The following OXCT1 variants were observed in gnomAD, a reference collection of about 807,000 sequenced individuals.
OXCT1 encodes the protein 3-oxoacid CoA-transferase 1.
In OXCT1, 27 loss-of-function variants were observed where a neutral mutation model predicts 69.6. The observed-to-expected ratio is 0.39, with a 90% CI of 0.29 to 0.54. The LOEUF is 0.54. Ranked by LOEUF, OXCT1 falls within the 20% of genes least tolerant of loss-of-function variation. The pLI is 0.72. For synonymous variants in OXCT1, 202 were observed against 217.8 expected (o/e 0.93, Z 0.64); for missense variants, 437 against 650.2 (o/e 0.67, Z 3.57).
chr5:41,857,763 T>C (rs1462586954), intron 3 of OXCT1, among the ~76,000 whole-genome samples: 5 of 152,222 alleles, frequency 3.3e-5, no homozygotes, highest in African/African-American at 1.2e-4. Context: ...TCCCTGACCA[T>C]TCCACTGAAA....
chr5:41,808,755 T>C (rs1481092566), intron 7 of OXCT1, among the ~76,000 whole-genome samples: 3 of 152,068 alleles, frequency 2.0e-5, no homozygotes, highest in East Asian at 3.9e-4. Context: ...GTATTTTCTA[T>C]TCGAGGTGGA....
At chr5:41,821,152 C>T (rs1398801137) in intron 7 of OXCT1, among the ~76,000 whole-genome samples, 17 of 152,180 alleles carry the variant, frequency 1.1e-4, no homozygotes. Context: ...CTAGAAACTT[C>T]ACTCAATATG....
At chr5:41,791,036 A>G (rs920903275) in intron 13 of OXCT1, among the ~76,000 whole-genome samples, 4 of 152,096 alleles carry the variant, frequency 2.6e-5, no homozygotes, top group African/African-American at 9.7e-5. Context: ...TTCACTTTTC[A>G]TTTTCTTCTC....
rs778105826 is a variant in OXCT1, at chr5:41,853,559, A to C, written c.279-5T>G. On this transcript the variant is annotated splice_region_variant and splice_polypyrimidine_tract_variant and intron_variant, in intron 3 of 16. Coordinates refer to ENST00000196371, the MANE Select transcript of OXCT1 (RefSeq NM_000436.4). ...CCCAAACCAAAATTGTCAACCCTAG[A>C]AGGAAAATGAAGGGAGCTTACCAAA... is the stretch of plus-strand genomic sequence containing the variant. The C allele has an allele frequency of 1.2e-6, 2 of 1,613,614 alleles. No individual in the cohort carries two copies. Among genetic ancestry groups the C allele is most frequent in the East Asian group, 4.5e-5 (2 of 44,830 alleles).
chr5:41,797,582 A>G (rs1187171005), intron 11 of OXCT1, among the ~76,000 whole-genome samples: 1 of 152,050 alleles, frequency 6.6e-6, no homozygotes, highest in Non-Finnish European at 1.5e-5. Flanking sequence ...GTATATCTCA[A>G]TTTTTCATAT....
At chr5:41,868,906 C>T (rs576287533) in intron 1 of OXCT1, among the ~76,000 whole-genome samples, 3 of 152,176 alleles carry the variant, frequency 2.0e-5, no homozygotes, top group South Asian at 4.1e-4. Flanking sequence ...TGCTGAGCTT[C>T]GGAAATGGTT....
chr5:41,869,141 A>G (rs1035947998), intron 1 of OXCT1, among the ~76,000 whole-genome samples: 1 of 152,186 alleles, frequency 6.6e-6, no homozygotes, highest in Non-Finnish European at 1.5e-5. Flanking sequence ...GCTTCCTAAG[A>G]GGCATTTAAG....
chr5:41,741,331 A>C (rs1743155828), intron 15 of OXCT1, among the ~76,000 whole-genome samples: 1 of 152,180 alleles, frequency 6.6e-6, no homozygotes, highest in South Asian at 2.1e-4. Context: ...GGGTAATATC[A>C]AGACACAGCA....
chr5:41,822,634 C>T (rs187655502), intron 7 of OXCT1, among the ~76,000 whole-genome samples: 91 of 152,134 alleles, frequency 6.0e-4, no homozygotes, highest in African/African-American at 1.8e-3. Context: ...CCACCATGCC[C>T]GGCTAATTTT....
In OXCT1 at chr5:41,870,303, C is replaced by T. The variant is rs755105574; in HGVS notation, c.56G>A (p.Gly19Glu). Residue 19 changes from glycine to glutamate, a missense_variant, in exon 1 of 17, where the codon GGA becomes GAA. Around this residue, in one of 4 missense-constraint regions of OXCT1, gnomAD observed 79 missense variants for 61.5 expected, o/e 1.28. Transcript: ENST00000196371. This position sits in a 1 kb window ranked among gnomAD's most constrained non-coding sequence, Gnocchi z 4.2. ...TACCTTGTACCAGGTTGCCCCAGATCCGCGGGCAGAGGCGCAGAGCCGAAG... is the reference window on the plus strand; with the variant it reads ...TACCTTGTACCAGGTTGCCCCAGATTCGCGGGCAGAGGCGCAGAGCCGAAG... Reference protein sequence around the residue: ...SGLRLCASARGSGATWYKGCV... With the variant: ...SGLRLCASARESGATWYKGCV... The T allele has an allele frequency of 2.5e-6, 4 of 1,613,980 alleles. No individual in the cohort carries two copies. In the South Asian group the frequency reaches 4.4e-5, roughly 18 times the overall value.
At chr5:41,860,906 C>A (rs1322993486) in intron 3 of OXCT1, among the ~76,000 whole-genome samples, 2 of 151,812 alleles carry the variant, frequency 1.3e-5, no homozygotes, top group African/African-American at 4.8e-5. Flanking sequence ...AAAGAAAGGG[C>A]TTTAAACAGA....
At chr5:41,750,786 C>T (rs778069901) in intron 14 of OXCT1, among the ~76,000 whole-genome samples, 1 of 151,958 alleles carries the variant, frequency 6.6e-6, no homozygotes, top group Non-Finnish European at 1.5e-5. Flanking sequence ...CAGCAATGCA[C>T]TAGTAATTAA....
At chr5:41,807,477 T>G in intron 7 of OXCT1, 39 bp from the exon 8 acceptor site, 1 of 1,160,672 alleles carries the variant, frequency 8.6e-7, no homozygotes. Context: ...TAGTGAAAGC[T>G]TAAAGTGAAC....
At chr5:41,807,702 G>T (rs1579779474) in intron 7 of OXCT1, among the ~76,000 whole-genome samples, 2 of 152,136 alleles carry the variant, frequency 1.3e-5, no homozygotes, top group South Asian at 4.1e-4. Flanking sequence ...TTGCTTAAAA[G>T]AGTCTCAGTT....
chr5:41,802,890 T>C (rs775351194), intron 10 of OXCT1, among the ~76,000 whole-genome samples, 179 bp downstream of exon 10: 1 of 152,152 alleles, frequency 6.6e-6, no homozygotes, highest in Non-Finnish European at 1.5e-5. Flanking sequence ...CAGATTTCAC[T>C]ATGTGGGACG....
At chr5:41,850,271 G>T in intron 4 of OXCT1, 92 bp from the exon 5 acceptor site, 1 of 1,403,484 alleles carries the variant, frequency 7.1e-7, no homozygotes, top group Non-Finnish European at 9.9e-7. Context: ...CTATCTAGAG[G>T]CTTATAATTC....
intron 3 of OXCT1, among the ~76,000 whole-genome samples, chr5:41,854,635 C>T (rs1030380703): frequency 1.3e-4 from 19 of 150,836 alleles, no homozygotes; most frequent in Non-Finnish European, 1.6e-4. Flanking sequence ...TTTTTAATGG[C>T]GAAATATCTT....
At chr5:41,787,786 T>G (rs1189868211) in intron 13 of OXCT1, among the ~76,000 whole-genome samples, 1 of 151,824 alleles carries the variant, frequency 6.6e-6, no homozygotes, top group Non-Finnish European at 1.5e-5. Flanking sequence ...GGCTATAAAT[T>G]AAACTGCAAC....
intron 13 of OXCT1, among the ~76,000 whole-genome samples, chr5:41,787,891 A>G (rs962054248): frequency 6.6e-6 from 1 of 152,064 alleles, no homozygotes; most frequent in African/African-American, 2.4e-5. Flanking sequence ...GCTACAACAA[A>G]CATCAAAGGA....
Sources: gnomAD v4.1 joint callset for allele counts (sites outside exome capture counted in the v4.1 genomes callset) on GRCh38, gnomAD v4.1.1 for gene constraint, gnomAD v4.1.1 regional missense constraint, Gnocchi (gnomAD v3.1) non-coding constraint, MANE v1.5 for transcripts, NCBI Gene and HGNC (gene_info 2026-07-23, HGNC 2026-07-21) for gene names.